ASXL2: variants seen among roughly 807,000 people sequenced by gnomAD.
ASXL2 encodes putative Polycomb group protein ASXL2.
Under a neutral mutation model 122.0 loss-of-function variants are expected in ASXL2, and 23 were observed. The ratio of observed to expected loss-of-function variants is 0.19; its 90% CI spans 0.14 to 0.27. The LOEUF (loss-of-function observed/expected upper bound fraction) is 0.27, where lower values mean the gene tolerates loss of function less well. Ranked by LOEUF, ASXL2 falls within the 10% of genes least tolerant of loss-of-function variation. The pLI is 1.00. For missense variants in ASXL2, 1,518 were observed against 1,713.8 expected, an observed-to-expected ratio of 0.89 and a Z score of 2.02; for synonymous variants, 650 against 637.0, an observed-to-expected ratio of 1.02 and a Z score of -0.31.
At chr2:25,789,808 T>A (rs1001957403) in intron 5 of ASXL2, among the ~76,000 whole-genome samples, 2 of 152,160 alleles carry the variant, frequency 1.3e-5, no homozygotes, top group African/African-American at 4.8e-5. Context: ...AGAGAAATAG[T>A]ACTTCATCCA....
At chr2:25,868,140 C>T (rs1374981119) in intron 1 of ASXL2, among the ~76,000 whole-genome samples, 2 of 152,238 alleles carry the variant, frequency 1.3e-5, no homozygotes, top group African/African-American at 4.8e-5. Context: ...CAGAACCTCT[C>T]AAATCAGACA....
At position 25,744,612 on chromosome 2, in the gene ASXL2, G is replaced by A. The variant is rs1213619044; in HGVS notation, c.1861-136C>T. 3.0e-5 allele frequency: 30 copies of A among 1,008,076 alleles called. No homozygotes were observed. Among genetic ancestry groups the A allele is most frequent in the East Asian group, 2.9e-4 (11 of 38,186 alleles). 62.4% of individuals were successfully genotyped at this position (1,008,076 alleles called of 1,614,324 possible). ...TGACAAACATGGGTGGTCTATGGCCGAGAGGCCAAACCTTGGAGACAGCAA... is the reference window on the plus strand; with the variant it reads ...TGACAAACATGGGTGGTCTATGGCCAAGAGGCCAAACCTTGGAGACAGCAA... On this transcript the variant is annotated intron_variant, in intron 12 of 12. Transcript: ENST00000435504. This position sits in a 1 kb window ranked among gnomAD's most constrained non-coding sequence, Gnocchi z 4.7.
At chr2:25,779,084 ATTTTTTT>A (rs33911748) in intron 5 of ASXL2, among the ~76,000 whole-genome samples, 26 of 99,414 alleles carry the variant, frequency 2.6e-4, no homozygotes, top group Non-Finnish European at 3.7e-4. Flanking sequence ...CTTTTTTCTG[ATTTTTTT>A]TTTTTTTTTT....
chr2:25,757,921 CAAAA>C (rs10524530), intron 9 of ASXL2, among the ~76,000 whole-genome samples: 27,593 of 127,360 alleles, frequency 0.22, 2,540 homozygotes, highest in African/African-American at 0.23. Context: ...GAGTCTTTAA[CAAAA>C]AAAAAAAAAA....
At chr2:25,817,975 T>A (rs2089258053) in intron 3 of ASXL2, among the ~76,000 whole-genome samples, 1 of 152,232 alleles carries the variant, frequency 6.6e-6, no homozygotes, top group South Asian at 2.1e-4. Context: ...AAACTTTTAA[T>A]CATTTAAGTT....
chr2:25,819,947 TC>T (rs2089289152), intron 3 of ASXL2, among the ~76,000 whole-genome samples: 1 of 152,164 alleles, frequency 6.6e-6, no homozygotes, highest in African/African-American at 2.4e-5. Flanking sequence ...TCTTGCTCTG[TC>T]CCCCAGGCTA....
intron 5 of ASXL2, among the ~76,000 whole-genome samples, chr2:25,786,240 A>ATTTTTTTTTTTTTTT (rs1559510977): frequency 9.6e-5 from 4 of 41,586 alleles, no homozygotes; most frequent in Admixed American, 8.4e-4. Context: ...ACTCCACATC[A>ATTTTTTTTTTTTTTT]TTCTTTTTTT....
intron 5 of ASXL2, among the ~76,000 whole-genome samples, chr2:25,783,240 A>C (rs2088676468): frequency 1.3e-5 from 2 of 152,244 alleles, no homozygotes; most frequent in South Asian, 4.1e-4. Flanking sequence ...TACTTCTATG[A>C]AACTCTATTT....
intron 2 of ASXL2, among the ~76,000 whole-genome samples, chr2:25,842,412 C>T (rs1052739073): frequency 7.2e-5 from 11 of 152,246 alleles, no homozygotes; most frequent in South Asian, 6.2e-4. Context: ...TCACACTTTA[C>T]TACCTTTTGA....
At chr2:25,846,609 C>T (rs2089652145) in intron 1 of ASXL2, among the ~76,000 whole-genome samples, 1 of 151,912 alleles carries the variant, frequency 6.6e-6, no homozygotes, top group African/African-American at 2.4e-5. Flanking sequence ...GATCATGCCA[C>T]TGCACTCCAT....
At chr2:25,812,680 A>G (rs1004952871) in intron 3 of ASXL2, among the ~76,000 whole-genome samples, 2 of 152,204 alleles carry the variant, frequency 1.3e-5, no homozygotes, top group Non-Finnish European at 2.9e-5. Context: ...CTGTCCTACA[A>G]AACCAAGGCC....
chr2:25,735,603 C>A lies in ASXL2; in HGVS notation c.*6426G>T, dbSNP rs1268971656. 6.6e-6 allele frequency: 1 copy of A among 152,142 alleles called. No individual in the cohort carries two copies. Among genetic ancestry groups the A allele is most frequent in the African/African-American group, 2.4e-5 (1 of 41,418 alleles). The allele number at this position is 152,142 out of a possible 1,614,324, so 9.4% of individuals were successfully genotyped here. ...CCCTTTAGCTTCTTTTAGGTTTGAA[C>A]AGTGACAGGAAAGCTGCATTATTTA... On this transcript the variant is annotated 3_prime_UTR_variant, in exon 13 of 13. Coordinates refer to ENST00000435504, the MANE Select transcript of ASXL2 (RefSeq NM_018263.6).
At position 25,812,218 on chromosome 2, in the gene ASXL2, G is replaced by A. The variant is rs1421377066; in HGVS notation, c.144-5881C>T. Among the ~76,000 whole-genome samples, 16 of 150,802 alleles carry A rather than the reference G, an allele frequency of 1.1e-4. No homozygotes were observed. In the East Asian group the frequency reaches 3.1e-3, roughly 29 times the overall value. On this transcript the variant is annotated intron_variant, in intron 3 of 12. Coordinates refer to ENST00000435504, the MANE Select transcript of ASXL2 (RefSeq NM_018263.6). ...TCGCGTCTATAATCCCAGCACTTTGGGAGCCGAGGCAGGTGGATTACCTGA... is the reference window on the plus strand; with the variant it reads ...TCGCGTCTATAATCCCAGCACTTTGAGAGCCGAGGCAGGTGGATTACCTGA...
chr2:25,780,468 G>A (rs2088615140), intron 5 of ASXL2, among the ~76,000 whole-genome samples: 1 of 152,024 alleles, frequency 6.6e-6, no homozygotes, highest in Non-Finnish European at 1.5e-5. Flanking sequence ...ATCTTAACCA[G>A]TGGTTCTAAG....
intron 2 of ASXL2, among the ~76,000 whole-genome samples, chr2:25,837,475 T>C (rs2089525035): frequency 6.6e-6 from 1 of 152,172 alleles, no homozygotes; most frequent in Non-Finnish European, 1.5e-5. Context: ...CAGCCCAGGG[T>C]GTAAATACTA....
chr2:25,749,216 G>A (rs1193091559), intron 12 of ASXL2, among the ~76,000 whole-genome samples: 1 of 152,144 alleles, frequency 6.6e-6, no homozygotes, highest in African/African-American at 2.4e-5. Context: ...TAGGGGAACC[G>A]AAGGAAGCCC....
intron 2 of ASXL2, among the ~76,000 whole-genome samples, chr2:25,840,825 G>C (rs2089570868): frequency 6.6e-6 from 1 of 152,118 alleles, no homozygotes; most frequent in Admixed American, 6.6e-5. Context: ...AACAAAAATG[G>C]TATTGAATCT....
chr2:25,771,597 T>C, intron 5 of ASXL2, 57 bp from the exon 6 acceptor site: 1 of 1,370,368 alleles, frequency 7.3e-7, no homozygotes, highest in Non-Finnish European at 1.0e-6. Flanking sequence ...CCAAGCACCA[T>C]TCCTTCCCCA....
Position 25,878,262 on chromosome 2 carries a change from C to A in ASXL2, c.-40G>T, listed in dbSNP as rs62127728. The A allele has an allele frequency of 7.3e-5, 118 of 1,608,956 alleles. No individual in the cohort carries two copies. The highest frequency in any genetic ancestry group is 1.0e-4 in the Admixed American group (6 of 59,934). ...TGACTGGGAGGCTCCCGTGTCCGGG[C>A]TCCGGCCGCCCTCCCTGCCTGCTCT... On this transcript the variant is annotated 5_prime_UTR_variant, in exon 1 of 13. Coordinates refer to ENST00000435504, the MANE Select transcript of ASXL2 (RefSeq NM_018263.6).
Sources: gnomAD v4.1 joint callset for allele counts (sites outside exome capture counted in the v4.1 genomes callset) on GRCh38, gnomAD v4.1.1 for gene constraint, Gnocchi (gnomAD v3.1) non-coding constraint, MANE v1.5 for transcripts, NCBI Gene and HGNC (gene_info 2026-07-23, HGNC 2026-07-21) for gene names.